ROBO1: variants seen among roughly 807,000 people sequenced by gnomAD.
The protein encoded by ROBO1 is roundabout guidance receptor 1.
ROBO1 carries 149 observed loss-of-function variants against 195.9 expected under a neutral mutation model. The ratio of observed to expected loss-of-function variants is 0.76; its 90% CI spans 0.67 to 0.87. ROBO1 has a LOEUF of 0.87. ROBO1 is among the 40% of genes least tolerant of loss of function. The probability of loss-of-function intolerance (pLI) is 0.00; values close to 1 mark genes in which losing one functional copy is unlikely to be tolerated. For missense variants in ROBO1, 1,933 were observed against 2,068.3 expected, an observed-to-expected ratio of 0.93 and a Z score of 1.27; for synonymous variants, 816 against 733.2, an observed-to-expected ratio of 1.11 and a Z score of -1.82.
chr3:78,691,443 A>T (rs550689657), intron 8 of ROBO1, among the ~76,000 whole-genome samples: 24 of 152,256 alleles, frequency 1.6e-4, no homozygotes, highest in African/African-American at 3.4e-4. Flanking sequence ...CATACTATTT[A>T]AAAAAATTCA....
intron 1 of ROBO1, among the ~76,000 whole-genome samples, chr3:79,714,261 C>A (rs1242933994): frequency 6.6e-6 from 1 of 152,166 alleles, no homozygotes; most frequent in Non-Finnish European, 1.5e-5. Context: ...TTCATCATCA[C>A]TGGCCATCAG....
At chr3:79,467,907 C>T (rs1483550308) in intron 2 of ROBO1, among the ~76,000 whole-genome samples, 1 of 152,168 alleles carries the variant, frequency 6.6e-6, no homozygotes, top group African/African-American at 2.4e-5. Flanking sequence ...GACAGAAAAA[C>T]AGATGAACAG....
intron 4 of ROBO1, among the ~76,000 whole-genome samples, chr3:78,806,517 G>T (rs1304985638): frequency 6.6e-6 from 1 of 152,162 alleles, no homozygotes; most frequent in African/African-American, 2.4e-5. Flanking sequence ...AAAGTAATGA[G>T]TGTGGACGTG....
At chr3:79,173,868 A>C (rs547224702) in intron 2 of ROBO1, among the ~76,000 whole-genome samples, 42 of 152,218 alleles carry the variant, frequency 2.8e-4, no homozygotes, top group African/African-American at 9.6e-4. Context: ...ATCTAGCTCA[A>C]GGTTTGTAAA....
intron 1 of ROBO1, among the ~76,000 whole-genome samples, chr3:79,717,602 CTT>C (rs1702541329): frequency 6.6e-6 from 1 of 151,922 alleles, no homozygotes; most frequent in South Asian, 2.1e-4. Context: ...TTTCACACAT[CTT>C]TTTGTACTTA....
At chr3:79,715,131 ACTC>A (rs775018732) in intron 1 of ROBO1, among the ~76,000 whole-genome samples, 1 of 152,010 alleles carries the variant, frequency 6.6e-6, no homozygotes, top group Non-Finnish European at 1.5e-5. Flanking sequence ...GATGGAATGT[ACTC>A]CTGGTGAAGA....
At chr3:79,157,393 G>A (rs1207145684) in intron 2 of ROBO1, among the ~76,000 whole-genome samples, 2 of 151,886 alleles carry the variant, frequency 1.3e-5, no homozygotes, top group African/African-American at 4.8e-5. Context: ...AACCAACTGG[G>A]CATTCAGTAA....
intron 2 of ROBO1, among the ~76,000 whole-genome samples, chr3:79,288,710 C>A (rs1018474705): frequency 2.6e-5 from 4 of 152,166 alleles, no homozygotes; most frequent in African/African-American, 9.7e-5. Flanking sequence ...TGACCTTCAC[C>A]CTTCTGCGCC....
chr3:79,599,422 A>G (rs1293045270), intron 1 of ROBO1, among the ~76,000 whole-genome samples: 1 of 152,054 alleles, frequency 6.6e-6, no homozygotes, highest in Non-Finnish European at 1.5e-5. Flanking sequence ...AATCAATAAA[A>G]CAGTAAGACG....
chr3:78,598,983 A>ATATT, intron 30 of ROBO1, 56 bp from the exon 31 acceptor site: 1 of 957,256 alleles, frequency 1.0e-6, no homozygotes, highest in Non-Finnish European at 1.6e-6. Flanking sequence ...GGATTGTGTT[A>ATATT]TATTTATTTA....
intron 4 of ROBO1, among the ~76,000 whole-genome samples, chr3:78,930,662 A>G (rs2039470903): frequency 6.6e-6 from 1 of 152,124 alleles, no homozygotes; most frequent in Admixed American, 6.5e-5. Flanking sequence ...AACTTCTACT[A>G]TTTAACTCTC....
At chr3:78,930,672 C>A (rs1032006930) in intron 4 of ROBO1, among the ~76,000 whole-genome samples, 2 of 152,180 alleles carry the variant, frequency 1.3e-5, no homozygotes, top group African/African-American at 2.4e-5. Context: ...ATTTAACTCT[C>A]TAAAATTAAG....
intron 2 of ROBO1, among the ~76,000 whole-genome samples, chr3:79,276,067 C>A (rs2031009745): frequency 6.6e-6 from 1 of 151,954 alleles, no homozygotes; most frequent in South Asian, 2.1e-4. Flanking sequence ...TCTACAGATT[C>A]AATGCAATCC....
intron 4 of ROBO1, among the ~76,000 whole-genome samples, chr3:78,908,442 A>C (rs990048411): frequency 5.3e-5 from 8 of 151,948 alleles, no homozygotes; most frequent in Admixed American, 4.6e-4. Flanking sequence ...CATAGGGTTC[A>C]TAAATGATGA....
At chr3:79,403,336 TAAAC>T (rs2037432457) in intron 2 of ROBO1, among the ~76,000 whole-genome samples, 1 of 151,942 alleles carries the variant, frequency 6.6e-6, no homozygotes. Context: ...GAGAAAGTGT[TAAAC>T]AAATTCAAAG....
Position 78,635,831 on chromosome 3 carries a change from C to G in ROBO1, c.3315G>C (p.Gln1105His). Residue 1105 changes from glutamine to histidine, a missense_variant, in exon 23 of 31, where the codon CAG becomes CAC. This residue lies in a region of ROBO1 where 1,737 missense variants were observed against 1,882.5 expected (regional missense o/e 0.92). Coordinates refer to ENST00000464233, the MANE Select transcript of ROBO1 (RefSeq NM_002941.4). ...ACTGAACTGGTGCCACTTCTTGTTT[C>G]TGCTGTCCCAGTGGTTTCCAGTGCT... ...GEKHWKPLGQ[Q>H]KQEVAPVQYN... 6.2e-7 allele frequency: 1 copy of G among 1,613,892 alleles called. No homozygotes were observed. The highest frequency in any genetic ancestry group is 8.5e-7 in the Non-Finnish European group (1 of 1,179,848).
At chr3:79,641,381 T>C (rs539644125) in intron 1 of ROBO1, among the ~76,000 whole-genome samples, 1 of 152,198 alleles carries the variant, frequency 6.6e-6, no homozygotes, top group East Asian at 1.9e-4. Flanking sequence ...ATATAGACTT[T>C]TTCACATTTT....
chr3:79,665,442 T>A (rs1946448974), intron 1 of ROBO1, among the ~76,000 whole-genome samples: 1 of 151,900 alleles, frequency 6.6e-6, no homozygotes, highest in Admixed American at 6.6e-5. Context: ...CTATGAACAA[T>A]GATCATTTAG....
chr3:79,560,535 T>TTTTATA (rs1553764936), intron 2 of ROBO1, among the ~76,000 whole-genome samples: 1 of 115,226 alleles, frequency 8.7e-6, no homozygotes, highest in African/African-American at 3.9e-5. Context: ...ATAATAATAA[T>TTTTATA]TATATATATA....
Sources: allele counts gnomAD v4.1 joint callset (sites outside exome capture counted in the v4.1 genomes callset), GRCh38; gene constraint gnomAD v4.1.1; regional missense constraint gnomAD v4.1.1; transcripts MANE v1.5; gene names NCBI Gene and HGNC (gene_info 2026-07-23, HGNC 2026-07-21).